The following ESPNL variants were observed in gnomAD, a reference collection of about 807,000 sequenced individuals.
ESPNL encodes espin like, also known as espin-like protein.
Under a neutral mutation model 46.8 loss-of-function variants are expected in ESPNL, and 49 were observed. That is an observed-to-expected ratio of 1.05 (90% CI 0.83 to 1.33). ESPNL has a LOEUF of 1.33. Among genes scored for constraint, ESPNL ranks in the 40% most tolerant of loss-of-function variants. ESPNL has a pLI of 0.00. For synonymous variants in ESPNL, 664 were observed against 662.1 expected, an observed-to-expected ratio of 1.00 and a Z score of -0.04; for missense variants, 1,540 against 1,436.6, an observed-to-expected ratio of 1.07 and a Z score of -1.16.
chr2:238,103,151 A>G (rs1231158308), intron 2 of ESPNL, among the ~76,000 whole-genome samples: 1 of 152,234 alleles, frequency 6.6e-6, no homozygotes, highest in Non-Finnish European at 1.5e-5. Context: ...GGCCGAGCAC[A>G]GTGGCTCATG....
rs1216237520 is a variant in ESPNL, at chr2:238,119,530, G to A, written c.987+2496G>A. On this transcript the variant is annotated intron_variant, in intron 5 of 8. Transcript: ENST00000343063. Reference sequence around the variant, plus strand: ...GGAGGTGGGTGGAGGAGGGGAGATGGAGGAGGTGGATGGAGGAGGTGGATG... The same window carrying A: ...GGAGGTGGGTGGAGGAGGGGAGATGAAGGAGGTGGATGGAGGAGGTGGATG... Among the ~76,000 whole-genome samples the A allele has an allele frequency of 5.5e-5, 8 of 145,938 alleles. No homozygotes were observed. The East Asian group carries it at 6.4e-4, about 12-fold the overall frequency.
intron 4 of ESPNL, among the ~76,000 whole-genome samples, chr2:238,108,441 C>T (rs1691647653): frequency 6.6e-6 from 1 of 152,228 alleles, no homozygotes; most frequent in Admixed American, 6.5e-5. Flanking sequence ...TCAACAACAT[C>T]AGAACCACAC....
chr2:238,100,442 T>C lies in ESPNL; in HGVS notation c.23T>C (p.Val8Ala). ...AGGATGGAGAAGCAGCGGGCACTCGTGGCCGCCAAGGATGGGGATGTGGCG... is the reference window on the plus strand; with the variant it reads ...AGGATGGAGAAGCAGCGGGCACTCGCGGCCGCCAAGGATGGGGATGTGGCG... MEKQRAL[V>A]AAKDGDVATL... The change falls in exon 1 of 9, where the codon GTG becomes GCG. Residue 8 changes from valine (V) to alanine (A), a missense_variant. By Grantham distance (64) the Val-to-Ala change is moderately conservative. Transcript: ENST00000343063. The C allele has an allele frequency of 6.2e-7, 1 of 1,603,326 alleles. No homozygotes were observed. Among genetic ancestry groups the C allele is most frequent in the Non-Finnish European group, 8.5e-7 (1 of 1,177,288 alleles).
chr2:238,130,932 C>T lies in ESPNL; in HGVS notation c.2218C>T (p.Arg740Cys), dbSNP rs1372634059. ...AGACCTGGCCAGCCTGCGCAAGGAG[C>T]GCATCATCATGCTCTTCCTCAGCCA... ...GPDLASLRKE[R>C]IIMLFLSHWR... The change falls in exon 9 of 9, where the codon CGC becomes TGC. Residue 740 changes from arginine to cysteine, a missense_variant. Transcript: ENST00000343063. 4.3e-5 allele frequency: 66 copies of T among 1,549,484 alleles called. No homozygotes were observed. Among genetic ancestry groups the T allele is most frequent in the Admixed American group, 5.9e-5 (3 of 51,206 alleles).
At chr2:238,116,303 G>A (rs1691813473) in intron 4 of ESPNL, among the ~76,000 whole-genome samples, 1 of 152,142 alleles carries the variant, frequency 6.6e-6, no homozygotes, top group Non-Finnish European at 1.5e-5. Context: ...CATCACAAGA[G>A]CCCATCAGGT....
intron 2 of ESPNL, 25 bp downstream of exon 2, chr2:238,102,156 G>T (rs776058666): frequency 2.4e-5 from 36 of 1,508,114 alleles, no homozygotes; most frequent in Middle Eastern, 2.4e-4. Context: ...GTCCCGCCTG[G>T]GGGGGCAGCC....
chr2:238,129,195 G>C, intron 8 of ESPNL: 1 of 1,327,958 alleles, frequency 7.5e-7, no homozygotes, highest in Non-Finnish European at 9.6e-7. Flanking sequence ...CTTCCTGGGC[G>C]CAGCGTCTAG....
In ESPNL at chr2:238,125,393, A is replaced by G. The variant is rs764105680; in HGVS notation, c.1102+9A>G. On this transcript the variant is annotated intron_variant, in intron 6 of 8. Transcript: ENST00000343063. ...GCCAGGGAACCCCAGCCGTGAGTGCACAGCCCCAAGTGGGCCACCCAGGGC... is the reference window on the plus strand; with the variant it reads ...GCCAGGGAACCCCAGCCGTGAGTGCGCAGCCCCAAGTGGGCCACCCAGGGC... 1.3e-6 allele frequency: 2 copies of G among 1,509,658 alleles called. No homozygotes were observed. Among genetic ancestry groups the G allele is most frequent in the Non-Finnish European group, 1.8e-6 (2 of 1,123,058 alleles). The allele number at this position is 1,509,658 out of a possible 1,614,324, so 93.5% of individuals were successfully genotyped here. A position where few individuals can be genotyped will look rare whatever the true frequency, so the allele number is the denominator to read the frequency against.
intron 4 of ESPNL, among the ~76,000 whole-genome samples, chr2:238,110,127 C>T (rs921945826): frequency 8.0e-5 from 12 of 150,334 alleles, no homozygotes; most frequent in African/African-American, 2.0e-4. Flanking sequence ...CATATGTTAC[C>T]GAGTGTCCCT....
Position 238,128,692 on chromosome 2 carries a change from C to A in ESPNL, c.1216-15C>A. 1.3e-6 allele frequency: 2 copies of A among 1,586,624 alleles called. No individual in the cohort carries two copies. Among genetic ancestry groups the A allele is most frequent in the Non-Finnish European group, 8.6e-7 (1 of 1,166,806 alleles). On this transcript the variant is annotated splice_polypyrimidine_tract_variant and intron_variant, in intron 7 of 8. Coordinates refer to ENST00000343063, the MANE Select transcript of ESPNL (RefSeq NM_194312.4). ...GTCCCCTTCGGGCCTGTGTGACCCA[C>A]CCCCTTCTGCACAGGGGACAGAGAC...
chr2:238,131,043 G>A lies in ESPNL; in HGVS notation c.2329G>A (p.Glu777Lys). The A allele has an allele frequency of 6.5e-7, 1 of 1,538,258 alleles. No individual in the cohort carries two copies. The highest frequency in any genetic ancestry group is 8.7e-7 in the Non-Finnish European group (1 of 1,143,294). ...CCGCCACGCGGGGTTGCGGGGCCAG[G>A]AGGCCGCCAGGAGCCCTGGGCCACC... is the stretch of plus-strand genomic sequence containing the variant. ...GARHAGLRGQ[E>K]AARSPGPPSP... Residue 777 changes from glutamate (E) to lysine (K), a missense_variant, in exon 9 of 9, where the codon GAG becomes AAG. Physicochemically the swap from Glu to Lys is moderately conservative, Grantham distance 56. Coordinates refer to ENST00000343063, the MANE Select transcript of ESPNL (RefSeq NM_194312.4).
chr2:238,100,507 G>A lies in ESPNL; in HGVS notation c.88G>A (p.Gly30Ser), dbSNP rs778361759. The A allele has an allele frequency of 1.9e-6, 3 of 1,597,284 alleles. No individual in the cohort carries two copies. Among genetic ancestry groups the A allele is most frequent in the Non-Finnish European group, 1.7e-6 (2 of 1,174,842 alleles). ...RLLEAGALGP[G>S]ITDALGAGLV... Reference sequence around the variant, plus strand: ...GCTGGAGGCTGGCGCCCTGGGCCCGGGCATCACCGATGCTCTGGGGGCCGG... The same window carrying A: ...GCTGGAGGCTGGCGCCCTGGGCCCGAGCATCACCGATGCTCTGGGGGCCGG... The change falls in exon 1 of 9, where the codon GGC (glycine) becomes AGC (serine). Residue 30 changes from glycine to serine, a missense_variant. Coordinates refer to ENST00000343063, the MANE Select transcript of ESPNL (RefSeq NM_194312.4).
rs769350614 is a variant in ESPNL, at chr2:238,130,612, C to A, written c.1898C>A (p.Ser633Ter). 1.2e-5 allele frequency: 18 copies of A among 1,564,378 alleles called. No individual in the cohort carries two copies. Among genetic ancestry groups the A allele is most frequent in the Non-Finnish European group, 1.5e-5 (17 of 1,154,720 alleles). The change falls in exon 9 of 9, where the codon TCG (serine) becomes TAG (stop). Residue 633 changes from serine (S) to a stop codon, truncating the protein, a stop_gained. Transcript: ENST00000343063. LOFTEE classifies it low-confidence loss of function (END_TRUNC). Reference protein sequence around the residue: ...RPLQDTCREASASPPRSEAQR... With the variant: ...RPLQDTCREA ...CTGCAGGACACCTGCAGGGAGGCCT[C>A]GGCCAGCCCCCCTCGGAGCGAGGCC... is the stretch of plus-strand genomic sequence containing the variant.
intron 5 of ESPNL, among the ~76,000 whole-genome samples, chr2:238,122,857 G>C (rs905667498): frequency 1.2e-4 from 19 of 152,224 alleles, no homozygotes; most frequent in African/African-American, 4.6e-4. Flanking sequence ...CACCTCTGTC[G>C]GTGACACCAC....
At chr2:238,119,603 G>GT (rs1410427502) in intron 5 of ESPNL, among the ~76,000 whole-genome samples, 3 of 147,854 alleles carry the variant, frequency 2.0e-5, no homozygotes, top group South Asian at 2.2e-4. Context: ...GATGGAGGAG[G>GT]GGAGCTGGAG....
intron 6 of ESPNL, among the ~76,000 whole-genome samples, chr2:238,127,086 ATGATTGTGTCTGTGTCTGTATGTGATG>A (rs763218855): frequency 0.012 from 1,256 of 104,124 alleles, 32 homozygotes; most frequent in East Asian, 0.074. Context: ...GTCTGTGTGT[ATGATTGTGTCTGTGTCTGTATGTGATG>A]TGATTGTGTC....
intron 3 of ESPNL, among the ~76,000 whole-genome samples, chr2:238,106,988 C>T (rs760746879): frequency 1.7e-4 from 26 of 152,226 alleles, no homozygotes; most frequent in African/African-American, 5.8e-4. Flanking sequence ...GGGCTGCTGG[C>T]GGCTCTGCTG....
chr2:238,123,668 G>A (rs1692036370), intron 5 of ESPNL, among the ~76,000 whole-genome samples: 3 of 152,184 alleles, frequency 2.0e-5, no homozygotes, highest in Non-Finnish European at 2.9e-5. Context: ...GGGGGCGGCA[G>A]CCTCAGCAGC....
chr2:238,125,605 C>T (rs926896178), intron 6 of ESPNL, among the ~76,000 whole-genome samples: 7 of 152,262 alleles, frequency 4.6e-5, no homozygotes, highest in African/African-American at 1.7e-4. Flanking sequence ...GCTACAGCAA[C>T]TTATCCAGGG....
Sources: allele counts gnomAD v4.1 joint callset (sites outside exome capture counted in the v4.1 genomes callset), GRCh38; gene constraint gnomAD v4.1.1; transcripts MANE v1.5; gene names NCBI Gene and HGNC (gene_info 2026-07-23, HGNC 2026-07-21).